The following CNIH3 variants were observed in gnomAD, a reference collection of about 807,000 sequenced individuals.
CNIH3 encodes protein cornichon homolog 3.
A neutral mutation model predicts 24.1 loss-of-function variants in CNIH3; 14 were observed. That is an observed-to-expected ratio of 0.58 (90% CI 0.38 to 0.91). The LOEUF (loss-of-function observed/expected upper bound fraction) is 0.91, where lower values mean the gene tolerates loss of function less well. Among genes scored for constraint, CNIH3 ranks in the 40% least tolerant of loss-of-function variants. The pLI is 0.00. For missense variants in CNIH3, 178 were observed against 196.8 expected (o/e 0.90, Z 0.57); for synonymous variants, 68 against 73.8 (o/e 0.92, Z 0.40).
intron 1 of CNIH3, among the ~76,000 whole-genome samples, chr1:224,450,961 T>C (rs1675371657): frequency 6.6e-6 from 1 of 152,378 alleles, no homozygotes; most frequent in Admixed American, 6.5e-5. Context: ...TTTTAACCTT[T>C]ACAGTGGGAA....
chr1:224,567,810 A>G lies in CNIH3; in HGVS notation n.516+1546A>G, dbSNP rs141798515. On this transcript the variant is annotated intron_variant and non_coding_transcript_variant, in intron 4 of 5. Transcript: ENST00000471578. ...AAGGACGAAACAGTTGTAGATGTTTATTTTTAGTTCAGTTGGCATAAATGA... is the reference window on the plus strand; with the variant it reads ...AAGGACGAAACAGTTGTAGATGTTTGTTTTTAGTTCAGTTGGCATAAATGA... Among the ~76,000 whole-genome samples the G allele has an allele frequency of 3.3e-3, 505 of 152,294 alleles. 1 individual carries two copies. Among genetic ancestry groups the G allele is most frequent in the African/African-American group, 0.011 (468 of 41,570 alleles).
At chr1:224,626,085 T>G (rs548882831) in intron 1 of CNIH3, among the ~76,000 whole-genome samples, 21 of 152,336 alleles carry the variant, frequency 1.4e-4, no homozygotes, top group Middle Eastern at 3.4e-3. Context: ...CTGAGTTGCT[T>G]CTTCTTCTAG....
At chr1:224,731,679 G>A (rs1321311780) in intron 4 of CNIH3, among the ~76,000 whole-genome samples, 1 of 152,240 alleles carries the variant, frequency 6.6e-6, no homozygotes, top group Non-Finnish European at 1.5e-5. Context: ...CTTAAGGAAC[G>A]TACATCCTAG....
chr1:224,643,460 G>A (rs1035812831), intron 1 of CNIH3, among the ~76,000 whole-genome samples: 6 of 152,306 alleles, frequency 3.9e-5, no homozygotes, highest in African/African-American at 9.6e-5. Flanking sequence ...CAGCCCAGTC[G>A]GCTTGTCTGG....
chr1:224,566,720 A>G lies in CNIH3; in HGVS notation n.516+456A>G, dbSNP rs564228279. Among the ~76,000 whole-genome samples the G allele has an allele frequency of 6.6e-5, 10 of 152,330 alleles. No individual in the cohort carries two copies. In the South Asian group the frequency reaches 2.1e-3, roughly 32 times the overall value. ...AACTCATCATTTTTTATGGCTGCAT[A>G]GTATTCCATGGTGCATATGTGCCAC... On this transcript the variant is annotated intron_variant and non_coding_transcript_variant, in intron 4 of 5. Coordinates refer to the CNIH3 transcript ENST00000471578.
At chr1:224,469,735 T>A (rs1676291690) in intron 1 of CNIH3, among the ~76,000 whole-genome samples, 1 of 152,216 alleles carries the variant, frequency 6.6e-6, no homozygotes, top group African/African-American at 2.4e-5. Context: ...CAATTATCTC[T>A]TAAAGAGACA....
intron 3 of CNIH3, among the ~76,000 whole-genome samples, chr1:224,597,741 T>C (rs1003854652): frequency 6.6e-6 from 1 of 152,168 alleles, no homozygotes; most frequent in Non-Finnish European, 1.5e-5. Flanking sequence ...CTGGTAAGTA[T>C]AAATAAGAGT....
chr1:224,632,628 G>A lies in CNIH3; in HGVS notation c.81+15373G>A, dbSNP rs1435145065. 2.6e-5 allele frequency among the ~76,000 whole-genome samples: 4 copies of A among 152,154 alleles called. No individual in the cohort carries two copies. In the East Asian group the frequency reaches 7.7e-4, roughly 29 times the overall value. Reference sequence around the variant, plus strand: ...TGAGAGCGGGGTGGGGTGGTGAGGAGAGGTGGGCTCCCAGATCATGTGAAA... The same window carrying A: ...TGAGAGCGGGGTGGGGTGGTGAGGAAAGGTGGGCTCCCAGATCATGTGAAA... On this transcript the variant is annotated intron_variant, in intron 1 of 5. Transcript: ENST00000272133.
chr1:224,453,497 T>C (rs992385752), intron 1 of CNIH3, among the ~76,000 whole-genome samples: 1 of 152,152 alleles, frequency 6.6e-6, no homozygotes, highest in Non-Finnish European at 1.5e-5. Flanking sequence ...TTCATGATAC[T>C]ATGAAACAAA....
At chr1:224,553,766 G>A (rs1680024939) in intron 3 of CNIH3, among the ~76,000 whole-genome samples, 1 of 150,524 alleles carries the variant, frequency 6.6e-6, no homozygotes, top group African/African-American at 2.4e-5. Flanking sequence ...TTTAATACAA[G>A]TGAGTTTATA....
At chr1:224,449,259 C>T (rs957806831) in intron 1 of CNIH3, among the ~76,000 whole-genome samples, 4 of 152,072 alleles carry the variant, frequency 2.6e-5, no homozygotes, top group African/African-American at 2.4e-5. Flanking sequence ...CCACCGCACC[C>T]GGCCAGAAAC....
downstream of CNIH3, among the ~76,000 whole-genome samples, chr1:224,589,883 CT>C (rs887320915): frequency 5.8e-4 from 85 of 147,674 alleles, no homozygotes; most frequent in Non-Finnish European, 6.6e-4. Flanking sequence ...AGGATATCCA[CT>C]TTTTTTTTTT....
At chr1:224,589,343 T>C (rs1681652090), downstream of CNIH3, among the ~76,000 whole-genome samples, 1 of 152,168 alleles carries the variant, frequency 6.6e-6, no homozygotes, top group Non-Finnish European at 1.5e-5. Flanking sequence ...CAGCATCATG[T>C]TTATAATAAG....
At chr1:224,674,701 G>T (rs1380071615) in intron 1 of CNIH3, among the ~76,000 whole-genome samples, 2 of 152,006 alleles carry the variant, frequency 1.3e-5, no homozygotes, top group African/African-American at 4.8e-5. Context: ...TAGGGATAGG[G>T]TTCAGTGTTC....
At chr1:224,457,511 A>ATTTTTTT (rs943521801) in intron 1 of CNIH3, among the ~76,000 whole-genome samples, 77 of 111,128 alleles carry the variant, frequency 6.9e-4, no homozygotes, top group Non-Finnish European at 7.8e-4. Context: ...TGGTCTGGGG[A>ATTTTTTT]TTTTTTTTTT....
At chr1:224,621,539 GT>G (rs1558221899) in intron 1 of CNIH3, among the ~76,000 whole-genome samples, 1 of 152,144 alleles carries the variant, frequency 6.6e-6, no homozygotes, top group African/African-American at 2.4e-5. Flanking sequence ...GCCCCTGTCC[GT>G]TCTGGCATCT....
chr1:224,491,640 C>T (rs1558104393), intron 1 of CNIH3, among the ~76,000 whole-genome samples: 2 of 152,066 alleles, frequency 1.3e-5, no homozygotes, highest in South Asian at 4.1e-4. Flanking sequence ...GAGTCTCACT[C>T]TGTCACCCAG....
At chr1:224,657,233 T>C (rs1382750788) in intron 1 of CNIH3, among the ~76,000 whole-genome samples, 1 of 152,066 alleles carries the variant, frequency 6.6e-6, no homozygotes, top group African/African-American at 2.4e-5. Context: ...GGAATGGAGG[T>C]GAGCACACAG....
intron 3 of CNIH3, among the ~76,000 whole-genome samples, chr1:224,724,317 C>T (rs549518682): frequency 6.6e-6 from 1 of 152,310 alleles, no homozygotes; most frequent in East Asian, 1.9e-4. Context: ...ACAGCAAGGC[C>T]TATGGGGCTG....
Sources: allele counts gnomAD v4.1 joint callset (sites outside exome capture counted in the v4.1 genomes callset), GRCh38; gene constraint gnomAD v4.1.1; transcripts MANE v1.5; gene names NCBI Gene and HGNC (gene_info 2026-07-23, HGNC 2026-07-21).